The following PTPRK variants were observed in gnomAD, a reference collection of about 807,000 sequenced individuals.
PTPRK encodes the protein receptor-type tyrosine-protein phosphatase kappa.
In PTPRK, 75 loss-of-function variants were observed where a neutral mutation model predicts 178.0. The ratio of observed to expected loss-of-function variants is 0.42; its 90% CI spans 0.35 to 0.51. The LOEUF (loss-of-function observed/expected upper bound fraction) is 0.51, where lower values mean the gene tolerates loss of function less well. Among genes scored for constraint, PTPRK ranks in the 20% least tolerant of loss-of-function variants. The pLI is 0.02. For synonymous variants in PTPRK, 637 were observed against 620.6 expected (o/e 1.03, Z -0.39); for missense variants, 1,441 against 1,797.8 (o/e 0.80, Z 3.59).
chr6:128,257,273 A>G (rs1010453389), intron 3 of PTPRK, among the ~76,000 whole-genome samples: 6 of 150,578 alleles, frequency 4.0e-5, no homozygotes, highest in African/African-American at 1.5e-4. Context: ...CTGGGACCTT[A>G]TCTTGCATGG....
At chr6:127,987,729 G>T (rs1007866333) in intron 21 of PTPRK, among the ~76,000 whole-genome samples, 1 of 151,962 alleles carries the variant, frequency 6.6e-6, no homozygotes, top group Non-Finnish European at 1.5e-5. Flanking sequence ...TTCCAAAAAT[G>T]TTTAATATTA....
At chr6:128,072,508 T>G (rs1197326602) in intron 11 of PTPRK, among the ~76,000 whole-genome samples, 2 of 152,018 alleles carry the variant, frequency 1.3e-5, no homozygotes, top group East Asian at 3.9e-4. Flanking sequence ...GTATTACATA[T>G]CACTAGCCCA....
At position 128,134,000 on chromosome 6, in the gene PTPRK, A is replaced by G. The variant is rs141131870; in HGVS notation, c.1163-44008T>C. ...GAATCAAATTCTGCCCCTTGCAACC[A>G]AAGTGACAAAACAGTTTTGACAACC... On this transcript the variant is annotated intron_variant, in intron 7 of 29. Transcript: ENST00000368226. 9.2e-5 allele frequency among the ~76,000 whole-genome samples: 14 copies of G among 152,344 alleles called. No individual in the cohort carries two copies. The East Asian group carries it at 2.5e-3, about 27-fold the overall frequency.
intron 2 of PTPRK, among the ~76,000 whole-genome samples, chr6:128,366,091 A>G (rs1835439330): frequency 6.6e-6 from 1 of 152,128 alleles, no homozygotes; most frequent in Non-Finnish European, 1.5e-5. Context: ...AGCCCTTACC[A>G]TTAGGAAAAC....
chr6:128,243,912 A>C (rs1814972966), intron 3 of PTPRK, among the ~76,000 whole-genome samples: 1 of 152,224 alleles, frequency 6.6e-6, no homozygotes, highest in Non-Finnish European at 1.5e-5. Context: ...TTTGGCTATA[A>C]AGTGAAAGAT....
intron 2 of PTPRK, among the ~76,000 whole-genome samples, chr6:128,373,375 T>A (rs1481966577): frequency 6.6e-6 from 1 of 152,192 alleles, no homozygotes; most frequent in African/African-American, 2.4e-5. Flanking sequence ...AACACGCACA[T>A]CCTCACACAC....
At chr6:128,104,370 G>A (rs1020628840) in intron 7 of PTPRK, among the ~76,000 whole-genome samples, 1 of 152,154 alleles carries the variant, frequency 6.6e-6, no homozygotes, top group African/African-American at 2.4e-5. Flanking sequence ...GGGACTACAG[G>A]CACTGGCCAC....
At chr6:128,092,700 C>T (rs1299799667) in intron 7 of PTPRK, among the ~76,000 whole-genome samples, 1 of 152,064 alleles carries the variant, frequency 6.6e-6, no homozygotes, top group East Asian at 1.9e-4. Flanking sequence ...TTATAAACAG[C>T]AGTGATTTGA....
In PTPRK at chr6:128,431,417, C is replaced by CT. The variant is rs1258152301; in HGVS notation, c.101-33730dup. Among the ~76,000 whole-genome samples the CT allele has an allele frequency of 3.3e-5, 5 of 151,976 alleles. No homozygotes were observed. In the South Asian group the frequency reaches 6.2e-4, roughly 19 times the overall value. ...TGTGAGCTAAGCAGTCTGAAAATGT[C>CT]TTTTTTAATAAATAAAACACCAGAT... is the stretch of plus-strand genomic sequence containing the variant. On this transcript the variant is annotated intron_variant, in intron 1 of 29. Transcript: ENST00000368226.
At chr6:128,346,930 C>A (rs964675726) in intron 2 of PTPRK, among the ~76,000 whole-genome samples, 1 of 152,084 alleles carries the variant, frequency 6.6e-6, no homozygotes, top group Admixed American at 6.6e-5. Flanking sequence ...TTACATGCAA[C>A]AAAAGTCTGA....
intron 25 of PTPRK, among the ~76,000 whole-genome samples, chr6:127,978,164 A>G (rs1478192178): frequency 6.6e-6 from 1 of 152,200 alleles, no homozygotes; most frequent in Non-Finnish European, 1.5e-5. Flanking sequence ...TCAAAACCTT[A>G]CCAAGTTACA....
intron 1 of PTPRK, among the ~76,000 whole-genome samples, chr6:128,475,362 A>G (rs922886543): frequency 2.6e-5 from 4 of 152,100 alleles, no homozygotes; most frequent in African/African-American, 4.8e-5. Context: ...ACAGACTCCC[A>G]TGATTAGATT....
At chr6:128,180,791 T>C (rs564884200) in intron 7 of PTPRK, among the ~76,000 whole-genome samples, 4 of 152,138 alleles carry the variant, frequency 2.6e-5, no homozygotes, top group Non-Finnish European at 5.9e-5. Context: ...AAGTTAGCCA[T>C]GCAGACTCTA....
chr6:128,233,565 A>G (rs1812678167), intron 5 of PTPRK, among the ~76,000 whole-genome samples: 1 of 152,200 alleles, frequency 6.6e-6, no homozygotes, highest in Non-Finnish European at 1.5e-5. Flanking sequence ...GCCATTGCTT[A>G]AATTATGTGT....
intron 13 of PTPRK, among the ~76,000 whole-genome samples, chr6:128,020,207 C>T (rs535253827): frequency 1.8e-4 from 28 of 152,236 alleles, no homozygotes; most frequent in African/African-American, 6.7e-4. Context: ...CTGATTATTA[C>T]ATATGTGACA....
chr6:128,013,609 T>G (rs2114733416), intron 13 of PTPRK, among the ~76,000 whole-genome samples: 1 of 151,626 alleles, frequency 6.6e-6, no homozygotes, highest in Non-Finnish European at 1.5e-5. Flanking sequence ...TCCACTTTCC[T>G]TATCTCTAGG....
intron 7 of PTPRK, among the ~76,000 whole-genome samples, chr6:128,144,907 A>C (rs1454369918): frequency 6.6e-6 from 1 of 152,172 alleles, no homozygotes; most frequent in Non-Finnish European, 1.5e-5. Flanking sequence ...ACAATAACAT[A>C]TGTTCAATGC....
chr6:128,298,198 A>G lies in PTPRK; in HGVS notation c.495+23841T>C, dbSNP rs535848885. 5.8e-4 allele frequency among the ~76,000 whole-genome samples: 89 copies of G among 152,318 alleles called. 1 individual carries two copies. Among genetic ancestry groups the G allele is most frequent in the African/African-American group, 2.0e-3 (85 of 41,560 alleles). On this transcript the variant is annotated intron_variant, in intron 3 of 29. Transcript: ENST00000368226. ...AAACAGGAAGAAGTTGACTCTCTGAATAGACCAATAACAGGCTCTGAAATT... is the reference window on the plus strand; with the variant it reads ...AAACAGGAAGAAGTTGACTCTCTGAGTAGACCAATAACAGGCTCTGAAATT...
rs1850455340 is a variant in PTPRK at position 128,470,366 on chromosome 6, AC to A, written c.100+49892del. Among the ~76,000 whole-genome samples, 4 of 151,454 alleles carry A rather than the reference AC, an allele frequency of 2.6e-5. No individual in the cohort carries two copies. The South Asian group carries it at 8.3e-4, about 32-fold the overall frequency. On this transcript the variant is annotated intron_variant, in intron 1 of 29. Transcript: ENST00000368226. ...ATTATGAAGTGTTGTTTGAGCTTTG[AC>A]TTTTTCTATGAAATCGTTTTCTTAA...
Sources: gnomAD v4.1 joint callset for allele counts (sites outside exome capture counted in the v4.1 genomes callset) on GRCh38, gnomAD v4.1.1 for gene constraint, MANE v1.5 for transcripts, NCBI Gene and HGNC (gene_info 2026-07-23, HGNC 2026-07-21) for gene names.